PRKG1: variants seen among roughly 807,000 people sequenced by gnomAD.
PRKG1 encodes the protein protein kinase cGMP-dependent 1, also known as cGMP-dependent protein kinase 1.
PRKG1 carries 35 observed loss-of-function variants against 88.1 expected under a neutral mutation model. The observed-to-expected ratio is 0.40, with a 90% CI of 0.30 to 0.53. The LOEUF (loss-of-function observed/expected upper bound fraction) is 0.53, where lower values mean the gene tolerates loss of function less well. PRKG1 is among the 20% of genes least tolerant of loss of function. The pLI is 0.59. For synonymous variants in PRKG1, 303 were observed against 292.5 expected (o/e 1.04, Z -0.37); for missense variants, 540 against 839.8 (o/e 0.64, Z 4.41).
chr10:51,453,408 G>T (rs1839494979), intron 2 of PRKG1, among the ~76,000 whole-genome samples: 1 of 151,828 alleles, frequency 6.6e-6, no homozygotes, highest in South Asian at 2.1e-4. Context: ...ATCTTAGGTT[G>T]TATATTTGTG....
At chr10:52,091,720 A>G (rs1358768463) in intron 7 of PRKG1, among the ~76,000 whole-genome samples, 1 of 152,184 alleles carries the variant, frequency 6.6e-6, no homozygotes, top group African/African-American at 2.4e-5. Flanking sequence ...TTTAAATGTG[A>G]GAAAACTATA....
intron 3 of PRKG1, among the ~76,000 whole-genome samples, chr10:51,659,755 G>C (rs1840248855): frequency 6.6e-6 from 1 of 152,024 alleles, no homozygotes; most frequent in South Asian, 2.1e-4. Context: ...ACTTGCTAGA[G>C]CTCATCACAA....
intron 5 of PRKG1, among the ~76,000 whole-genome samples, chr10:51,951,288 G>A (rs1232916913): frequency 6.6e-6 from 1 of 152,150 alleles, no homozygotes; most frequent in African/African-American, 2.4e-5. Context: ...ATTCAGTGAA[G>A]TAGAAGGCCA....
At chr10:51,610,345 A>G (rs1838875103) in intron 3 of PRKG1, among the ~76,000 whole-genome samples, 2 of 152,116 alleles carry the variant, frequency 1.3e-5, no homozygotes, top group East Asian at 1.9e-4. Context: ...CCTCCATGTG[A>G]GCAATGTTTT....
At chr10:51,077,502 G>A (rs1843986750) in intron 1 of PRKG1, among the ~76,000 whole-genome samples, 1 of 152,106 alleles carries the variant, frequency 6.6e-6, no homozygotes, top group Non-Finnish European at 1.5e-5. Context: ...TACTTACTAA[G>A]GTTGCCTTCT....
chr10:51,604,937 G>T (rs1202895857), intron 3 of PRKG1, among the ~76,000 whole-genome samples: 2 of 152,224 alleles, frequency 1.3e-5, no homozygotes, highest in African/African-American at 2.4e-5. Context: ...CTGAGTTCTT[G>T]CCCAATGTAC....
At chr10:51,815,068 G>T (rs566114464) in intron 4 of PRKG1, among the ~76,000 whole-genome samples, 2 of 152,252 alleles carry the variant, frequency 1.3e-5, no homozygotes, top group East Asian at 1.9e-4. Context: ...CTGAGCCTGG[G>T]TTACCAGGGA....
At chr10:51,930,392 A>G (rs1388964633) in intron 5 of PRKG1, among the ~76,000 whole-genome samples, 2 of 151,882 alleles carry the variant, frequency 1.3e-5, no homozygotes, top group African/African-American at 4.8e-5. Context: ...AGTAAATATT[A>G]TGTCATGTAT....
intron 2 of PRKG1, among the ~76,000 whole-genome samples, chr10:51,260,667 A>C (rs868311195): frequency 1.3e-5 from 2 of 152,358 alleles, no homozygotes; most frequent in African/African-American, 4.8e-5. Context: ...GGGTTATACC[A>C]TCAGAAATCA....
At chr10:52,185,609 A>G (rs1381409129) in intron 9 of PRKG1, among the ~76,000 whole-genome samples, 1 of 152,088 alleles carries the variant, frequency 6.6e-6, no homozygotes, top group Non-Finnish European at 1.5e-5. Flanking sequence ...TCAACCTGAT[A>G]TTTACCCTCT....
intron 3 of PRKG1, among the ~76,000 whole-genome samples, chr10:51,723,570 A>G (rs911445433): frequency 2.6e-5 from 4 of 152,248 alleles, no homozygotes; most frequent in South Asian, 2.1e-4. Flanking sequence ...GTGTATATCT[A>G]TGTAACCTGC....
chr10:51,770,077 A>G (rs1402370885), intron 3 of PRKG1, among the ~76,000 whole-genome samples: 1 of 152,194 alleles, frequency 6.6e-6, no homozygotes, highest in Non-Finnish European at 1.5e-5. Flanking sequence ...ATCACCCCTC[A>G]AACTGGATGT....
intron 2 of PRKG1, among the ~76,000 whole-genome samples, chr10:51,220,738 G>A (rs1487929948): frequency 6.6e-6 from 1 of 152,054 alleles, no homozygotes; most frequent in African/African-American, 2.4e-5. Context: ...TATGTATAGG[G>A]AAGTTTATTT....
intron 3 of PRKG1, among the ~76,000 whole-genome samples, chr10:51,614,739 G>A (rs908066936): frequency 1.3e-5 from 2 of 151,854 alleles, no homozygotes; most frequent in Admixed American, 6.6e-5. Flanking sequence ...TTTTCATGAT[G>A]GTAAATGTCA....
rs546221011 is a variant in PRKG1 at position 51,036,632 on chromosome 10, A to C, written c.266+44988A>C. Among the ~76,000 whole-genome samples, 125 of 152,242 alleles carry C rather than the reference A, an allele frequency of 8.2e-4. 2 individuals carry two copies. In the South Asian group the frequency reaches 0.024, roughly 29 times the overall value. On this transcript the variant is annotated intron_variant, in intron 1 of 17. Coordinates refer to the PRKG1 transcript ENST00000401604. ...TCTCACTGACCTTTAAAACAAAATTATTGGAAGGAAAGGGAAGGAAAACAA... is the reference window on the plus strand; with the variant it reads ...TCTCACTGACCTTTAAAACAAAATTCTTGGAAGGAAAGGGAAGGAAAACAA...
chr10:51,561,511 A>G (rs1298597027), intron 3 of PRKG1, among the ~76,000 whole-genome samples: 1 of 152,096 alleles, frequency 6.6e-6, no homozygotes, highest in East Asian at 1.9e-4. Context: ...CATCCTATCA[A>G]CAGCCCTTCC....
chr10:51,506,057 G>A (rs541849169), intron 3 of PRKG1, among the ~76,000 whole-genome samples: 1 of 152,180 alleles, frequency 6.6e-6, no homozygotes, highest in South Asian at 2.1e-4. Flanking sequence ...AATGGGGAAA[G>A]GATTCCCTAG....
chr10:51,333,901 C>G (rs539270190), intron 2 of PRKG1, among the ~76,000 whole-genome samples: 1 of 152,302 alleles, frequency 6.6e-6, no homozygotes, highest in South Asian at 2.1e-4. Flanking sequence ...AGTAACAGCT[C>G]CATAACTAGT....
intron 2 of PRKG1, among the ~76,000 whole-genome samples, chr10:51,289,450 A>G (rs1016082962): frequency 2.0e-5 from 3 of 152,202 alleles, no homozygotes; most frequent in African/African-American, 4.8e-5. Flanking sequence ...TCCAAGTGCT[A>G]TAACTTCCAA....
Sources: gnomAD v4.1 joint callset for allele counts (sites outside exome capture counted in the v4.1 genomes callset) on GRCh38, gnomAD v4.1.1 for gene constraint, MANE v1.5 for transcripts, NCBI Gene and HGNC (gene_info 2026-07-23, HGNC 2026-07-21) for gene names.